Variants in ATG13 observed in about 807,000 individuals in gnomAD.
ATG13 encodes the protein autophagy-related protein 13.
Under a neutral mutation model 65.5 loss-of-function variants are expected in ATG13, and 23 were observed. The ratio of observed to expected loss-of-function variants is 0.35; its 90% CI spans 0.25 to 0.50. The LOEUF is 0.50. ATG13 is among the 20% of genes least tolerant of loss of function. The probability of loss-of-function intolerance (pLI) is 0.98; values close to 1 mark genes in which losing one functional copy is unlikely to be tolerated. For synonymous variants in ATG13, 252 were observed against 245.2 expected (o/e 1.03, Z -0.26); for missense variants, 566 against 677.0 (o/e 0.84, Z 1.82).
rs752051359 is a variant in ATG13, at chr11:46,672,683, C to T, written c.*351C>T. ...CTGCCGGCCTCCTGCCTGGGCCTGCCTTGCAGCTGGCCCCTTCCCTGCCTG... is the reference window on the plus strand; with the variant it reads ...CTGCCGGCCTCCTGCCTGGGCCTGCTTTGCAGCTGGCCCCTTCCCTGCCTG... On this transcript the variant is annotated 3_prime_UTR_variant, in exon 19 of 19. Transcript: ENST00000683050. The T allele has an allele frequency of 3.6e-6, 5 of 1,370,184 alleles. No homozygotes were observed. The South Asian group carries it at 5.7e-5, about 16-fold the overall frequency. 84.9% of individuals were successfully genotyped at this position (1,370,184 alleles called of 1,614,324 possible).
In ATG13 at chr11:46,672,850, C is replaced by T. The variant is rs1464303923; in HGVS notation, c.*518C>T. The T allele has an allele frequency of 1.7e-6, 2 of 1,176,840 alleles. No individual in the cohort carries two copies. Among genetic ancestry groups the T allele is most frequent in the Non-Finnish European group, 2.2e-6 (2 of 914,346 alleles). The allele number at this position is 1,176,840 out of a possible 1,614,324, so 72.9% of individuals were successfully genotyped here. ...CATTGTCCCCTTTACTTCCTGCTATCTTCTTCTCCTCTTCTTCTCTCTCTT... is the reference window on the plus strand; with the variant it reads ...CATTGTCCCCTTTACTTCCTGCTATTTTCTTCTCCTCTTCTTCTCTCTCTT... On this transcript the variant is annotated 3_prime_UTR_variant, in exon 19 of 19. Coordinates refer to ENST00000683050, the MANE Select transcript of ATG13 (RefSeq NM_001346311.2).
At chr11:46,641,310 T>C (rs1048654660) in intron 2 of ATG13, among the ~76,000 whole-genome samples, 1 of 152,286 alleles carries the variant, frequency 6.6e-6, no homozygotes, top group East Asian at 1.9e-4. Flanking sequence ...GACCTTGTGA[T>C]CCACCCGCCT....
At chr11:46,623,909 C>A (rs1004539762) in intron 1 of ATG13, among the ~76,000 whole-genome samples, 2 of 151,806 alleles carry the variant, frequency 1.3e-5, no homozygotes, top group South Asian at 4.2e-4. Flanking sequence ...ATTATATTTA[C>A]ACATTCTTAT....
intron 5 of ATG13, among the ~76,000 whole-genome samples, chr11:46,646,757 G>A (rs1199571517): frequency 1.3e-5 from 2 of 151,568 alleles, no homozygotes; most frequent in Non-Finnish European, 2.9e-5. Flanking sequence ...GAGCTACTGC[G>A]CCTGGCCTGT....
At chr11:46,655,372 A>G (rs1412538545) in intron 7 of ATG13, among the ~76,000 whole-genome samples, 2 of 152,000 alleles carry the variant, frequency 1.3e-5, no homozygotes, top group South Asian at 2.1e-4. Context: ...CACTCCAGCC[A>G]GGGCGACAGA....
intron 1 of ATG13, among the ~76,000 whole-genome samples, chr11:46,626,245 G>T (rs1294337606): frequency 6.6e-6 from 1 of 151,628 alleles, no homozygotes; most frequent in East Asian, 1.9e-4. Context: ...GTGAGCCACC[G>T]CACTTGGCCT....
At chr11:46,666,519 C>A (rs1004555439) in intron 14 of ATG13, among the ~76,000 whole-genome samples, 1 of 152,218 alleles carries the variant, frequency 6.6e-6, no homozygotes, top group African/African-American at 2.4e-5. Flanking sequence ...GTGATACATT[C>A]TGTAAAACTC....
At chr11:46,650,069 G>A in intron 6 of ATG13, 108 bp from the exon 7 acceptor site, 1 of 1,230,708 alleles carries the variant, frequency 8.1e-7, no homozygotes, top group African/African-American at 1.5e-5. Flanking sequence ...TGATAAAGGT[G>A]TAATTAGAGT....
In ATG13 at chr11:46,672,733, T is replaced by G. The variant is rs1247864115; in HGVS notation, c.*401T>G. On this transcript the variant is annotated 3_prime_UTR_variant, in exon 19 of 19. Coordinates refer to ENST00000683050, the MANE Select transcript of ATG13 (RefSeq NM_001346311.2). ...GCTGTCACCATCCACTGTTTGACATTCCAGCTGGTGGCCAAGAGATTGGTG... is the reference window on the plus strand; with the variant it reads ...GCTGTCACCATCCACTGTTTGACATGCCAGCTGGTGGCCAAGAGATTGGTG... 7.4e-7 allele frequency: 1 copy of G among 1,345,170 alleles called. No individual in the cohort carries two copies. Among genetic ancestry groups the G allele is most frequent in the East Asian group, 4.6e-5 (1 of 21,848 alleles). 83.3% of individuals were successfully genotyped at this position (1,345,170 alleles called of 1,614,324 possible). A position where few individuals can be genotyped will look rare whatever the true frequency, so the allele number is the denominator to read the frequency against.
chr11:46,672,489 C>A lies in ATG13; in HGVS notation c.*157C>A. 6.7e-7 allele frequency: 1 copy of A among 1,498,188 alleles called. No individual in the cohort carries two copies. Among genetic ancestry groups the A allele is most frequent in the East Asian group, 2.4e-5 (1 of 42,494 alleles). 92.8% of individuals were successfully genotyped at this position (1,498,188 alleles called of 1,614,324 possible). ...GACCCAGAAGTCCCTACTCTTGGAC[C>A]TCCTGGAGACTCCGTGGCGGCAGTC... On this transcript the variant is annotated 3_prime_UTR_variant, in exon 19 of 19. Coordinates refer to ENST00000683050, the MANE Select transcript of ATG13 (RefSeq NM_001346311.2).
intron 5 of ATG13, among the ~76,000 whole-genome samples, chr11:46,647,281 TTTTTTTTTTTTG>T (rs1214900009): frequency 0.011 from 168 of 15,162 alleles, no homozygotes; most frequent in East Asian, 0.096. Context: ...GTTTTTTTTG[TTTTTTTTTTTTG>T]TTTTTTTTTT....
intron 12 of ATG13, 136 bp from the exon 13 acceptor site, chr11:46,664,713 A>G: frequency 1.4e-6 from 1 of 716,598 alleles, no homozygotes; most frequent in South Asian, 1.7e-5. Flanking sequence ...CTATCACGTC[A>G]GGCCCCCTGC....
At chr11:46,665,993 TG>T (rs554785610) in intron 14 of ATG13, among the ~76,000 whole-genome samples, 1 of 151,764 alleles carries the variant, frequency 6.6e-6, no homozygotes, top group African/African-American at 2.4e-5. Context: ...TTAGTAGAGA[TG>T]GGGGGTCTCG....
intron 12 of ATG13, 88 bp downstream of exon 12, chr11:46,664,183 A>G: frequency 9.5e-7 from 1 of 1,049,086 alleles, no homozygotes; most frequent in Admixed American, 2.2e-5. Flanking sequence ...ACAGTTATTT[A>G]AATGTCCCAA....
rs759967771 is a variant in ATG13, at chr11:46,645,319, T to C, written c.70-20T>C. ...CTTTTCATCATTTTAGGATTTCTTT[T>C]GTGTTTTTTTTTTCTTTAGACTGTC... is the stretch of plus-strand genomic sequence containing the variant. On this transcript the variant is annotated intron_variant, in intron 3 of 18. Coordinates refer to ENST00000683050, the MANE Select transcript of ATG13 (RefSeq NM_001346311.2). The C allele has an allele frequency of 1.3e-6, 2 of 1,597,818 alleles. No homozygotes were observed. The highest frequency in any genetic ancestry group is 2.3e-5 in the South Asian group (2 of 87,170).
At chr11:46,670,414 G>C (rs2063444020) in intron 18 of ATG13, among the ~76,000 whole-genome samples, 1 of 151,632 alleles carries the variant, frequency 6.6e-6, no homozygotes, top group Non-Finnish European at 1.5e-5. Flanking sequence ...TTGGGAGGTG[G>C]GGGTTGCAGT....
chr11:46,659,236 GA>G, intron 10 of ATG13, 155 bp from the exon 11 acceptor site: 1 of 579,896 alleles, frequency 1.7e-6, no homozygotes. Flanking sequence ...TGGAATGTTT[GA>G]AATTATTGAG....
intron 1 of ATG13, among the ~76,000 whole-genome samples, chr11:46,628,417 A>C (rs1354464673): frequency 1.3e-5 from 2 of 150,918 alleles, no homozygotes; most frequent in Non-Finnish European, 3.0e-5. Context: ...TGAAAACAAA[A>C]CCCCGCGTTT....
At chr11:46,638,165 G>A (rs1006631480) in intron 2 of ATG13, among the ~76,000 whole-genome samples, 2 of 152,010 alleles carry the variant, frequency 1.3e-5, no homozygotes, top group Admixed American at 6.6e-5. Context: ...GACTGGGCAC[G>A]GTGGCTCATG....
Sources: allele counts gnomAD v4.1 joint callset (sites outside exome capture counted in the v4.1 genomes callset), GRCh38; gene constraint gnomAD v4.1.1; transcripts MANE v1.5; gene names NCBI Gene and HGNC (gene_info 2026-07-23, HGNC 2026-07-21).